Variants in PAPSS2 observed in about 807,000 individuals in gnomAD.
PAPSS2 encodes the protein bifunctional 3'-phosphoadenosine 5'-phosphosulfate synthase 2.
In PAPSS2, 61 loss-of-function variants were observed where a neutral mutation model predicts 66.5. The observed-to-expected ratio is 0.92, with a 90% CI of 0.75 to 1.14. PAPSS2 has a LOEUF of 1.14. Among genes scored for constraint, PAPSS2 ranks in the 50% most tolerant of loss-of-function variants. The pLI, the probability that PAPSS2 is intolerant of heterozygous loss-of-function variation, is 0.00. For synonymous variants in PAPSS2, 289 were observed against 287.5 expected (o/e 1.01, Z -0.05); for missense variants, 708 against 789.6 (o/e 0.90, Z 1.24).
Position 87,721,745 on chromosome 10 carries a change from T to G in PAPSS2, c.866-11T>G. 6.5e-7 allele frequency: 1 copy of G among 1,530,954 alleles called. No individual in the cohort carries two copies. The highest frequency in any genetic ancestry group is 8.9e-7 in the Non-Finnish European group (1 of 1,128,892). The allele number at this position is 1,530,954 out of a possible 1,614,324, so 94.8% of individuals were successfully genotyped here. ...TGAAAATGTTTCTTAATTGTGTTTA[T>G]ATTTCCCTAGGCATGGCCCTTCCTG... On this transcript the variant is annotated splice_polypyrimidine_tract_variant and intron_variant, in intron 7 of 12. Transcript: ENST00000456849.
intron 7 of PAPSS2, among the ~76,000 whole-genome samples, chr10:87,716,294 A>C (rs1853531570): frequency 6.6e-6 from 1 of 152,212 alleles, no homozygotes; most frequent in African/African-American, 2.4e-5. Context: ...GGTGCATGCT[A>C]AAGTGTCAAT....
chr10:87,733,626 T>C (rs1853757512), intron 9 of PAPSS2, among the ~76,000 whole-genome samples: 1 of 152,102 alleles, frequency 6.6e-6, no homozygotes, highest in African/African-American at 2.4e-5. Flanking sequence ...AAATCACCCA[T>C]GACTGGATCC....
chr10:87,688,856 C>T (rs1853125953), intron 1 of PAPSS2, among the ~76,000 whole-genome samples: 1 of 152,008 alleles, frequency 6.6e-6, no homozygotes, highest in African/African-American at 2.4e-5. Flanking sequence ...TTCTTAATTG[C>T]TTGAAGTGAT....
chr10:87,661,200 A>T, intron 1 of PAPSS2: 1 of 361,204 alleles, frequency 2.8e-6, no homozygotes, highest in Non-Finnish European at 5.4e-6. Context: ...GGGGCCATGC[A>T]GGGCTAGAAG....
intron 1 of PAPSS2, among the ~76,000 whole-genome samples, chr10:87,699,590 G>A (rs559614042): frequency 1.3e-5 from 2 of 152,236 alleles, no homozygotes; most frequent in East Asian, 1.9e-4. Context: ...GGTGGCTCAC[G>A]CCTGTAATCC....
intron 9 of PAPSS2, among the ~76,000 whole-genome samples, chr10:87,729,020 A>G (rs1853694239): frequency 6.6e-6 from 1 of 151,932 alleles, no homozygotes; most frequent in African/African-American, 2.4e-5. Flanking sequence ...TGTCATAATC[A>G]TATAGGTTTG....
chr10:87,667,271 T>C (rs1018394626), intron 1 of PAPSS2, among the ~76,000 whole-genome samples: 2 of 151,908 alleles, frequency 1.3e-5, no homozygotes, highest in African/African-American at 2.4e-5. Flanking sequence ...CTGGGCAACA[T>C]GGCAAAACCT....
intron 1 of PAPSS2, among the ~76,000 whole-genome samples, chr10:87,698,527 C>T (rs988850648): frequency 2.0e-5 from 3 of 152,124 alleles, no homozygotes; most frequent in Non-Finnish European, 2.9e-5. Context: ...TCCCTTATAA[C>T]TCAAGAGTAG....
rs1554867987 is a variant in PAPSS2, at chr10:87,734,663, G to GTACATATATA, written c.1087-6570_1087-6569insCATATATATA. ...TGATAGCACAGAAATGAATGTGTGT[G>GTACATATATA]TATATATATATATATATATATATAT... is the stretch of plus-strand genomic sequence containing the variant. On this transcript the variant is annotated intron_variant, in intron 9 of 12. Coordinates refer to ENST00000456849, the MANE Select transcript of PAPSS2 (RefSeq NM_001015880.2). Among the ~76,000 whole-genome samples, 44 of 81,108 alleles carry GTACATATATA rather than the reference G, an allele frequency of 5.4e-4. 1 individual carries two copies. Among genetic ancestry groups the GTACATATATA allele is most frequent in the Non-Finnish European group, 7.1e-4 (32 of 45,352 alleles). 53.2% of individuals were successfully genotyped at this position (81,108 alleles called of 152,430 possible).
intron 10 of PAPSS2, 124 bp from the exon 11 acceptor site, chr10:87,743,242 CAAAAAAA>C (rs113848137): frequency 1.4e-6 from 1 of 728,150 alleles, no homozygotes; most frequent in Admixed American, 2.5e-5. Flanking sequence ...GAGACTCTTT[CAAAAAAA>C]AAAAAAAAAG....
rs1489260265 is a variant in PAPSS2, at chr10:87,705,119, T to C, written c.28-4077T>C. 2.6e-5 allele frequency among the ~76,000 whole-genome samples: 4 copies of C among 152,258 alleles called. No individual in the cohort carries two copies. In the East Asian group the frequency reaches 7.7e-4, roughly 29 times the overall value. On this transcript the variant is annotated intron_variant, in intron 1 of 12. Coordinates refer to ENST00000456849, the MANE Select transcript of PAPSS2 (RefSeq NM_001015880.2). Reference sequence around the variant, plus strand: ...ATCACCCCAGAAGCAACGGCTGTTCTGAATTAGTGCATTAGTTTTCTGTAT... The same window carrying C: ...ATCACCCCAGAAGCAACGGCTGTTCCGAATTAGTGCATTAGTTTTCTGTAT...
At position 87,660,215 on chromosome 10, in the gene PAPSS2, C is replaced by G. The variant is rs529339385; in HGVS notation, c.27+207C>G. 53 of 621,464 alleles carry G rather than the reference C, an allele frequency of 8.5e-5. No homozygotes were observed. The East Asian group carries it at 1.3e-3, about 16-fold the overall frequency. The allele number at this position is 621,464 out of a possible 1,614,324, so 38.5% of individuals were successfully genotyped here. On this transcript the variant is annotated intron_variant, in intron 1 of 12. Coordinates refer to ENST00000456849, the MANE Select transcript of PAPSS2 (RefSeq NM_001015880.2). Reference sequence around the variant, plus strand: ...CTCGCCCCGCAGCCCCTCTCCACCCCGCGACTCTGGGAATCTGCGCTCCTT... The same window carrying G: ...CTCGCCCCGCAGCCCCTCTCCACCCGGCGACTCTGGGAATCTGCGCTCCTT...
chr10:87,692,081 G>A (rs7092284), intron 1 of PAPSS2, among the ~76,000 whole-genome samples: 8,586 of 152,238 alleles, frequency 0.056, 803 homozygotes, highest in African/African-American at 0.19. Context: ...ATGGAATGGC[G>A]TTTAGCTGAA....
chr10:87,740,240 A>T (rs1406105938), intron 9 of PAPSS2, among the ~76,000 whole-genome samples: 1 of 152,212 alleles, frequency 6.6e-6, no homozygotes, highest in East Asian at 1.9e-4. Context: ...AGCTTGGCAG[A>T]TTCCCAGTAC....
chr10:87,699,356 A>G (rs1389797353), intron 1 of PAPSS2, among the ~76,000 whole-genome samples: 1 of 152,206 alleles, frequency 6.6e-6, no homozygotes, highest in Middle Eastern at 3.2e-3. Context: ...TGGTGCATTC[A>G]TGGCTCACTG....
intron 1 of PAPSS2, among the ~76,000 whole-genome samples, chr10:87,674,431 G>T (rs555681920): frequency 1.5e-3 from 224 of 152,254 alleles, no homozygotes; most frequent in Middle Eastern, 6.8e-3. Flanking sequence ...CTCCCAAAGT[G>T]CTGGGATTAC....
At chr10:87,671,205 A>G (rs2131896624) in intron 1 of PAPSS2, among the ~76,000 whole-genome samples, 1 of 152,332 alleles carries the variant, frequency 6.6e-6, no homozygotes, top group African/African-American at 2.4e-5. Flanking sequence ...AAAATAACAT[A>G]TAATGGATAC....
chr10:87,706,011 TGTGA>T (rs1853379109), intron 1 of PAPSS2, among the ~76,000 whole-genome samples: 1 of 149,224 alleles, frequency 6.7e-6, no homozygotes, highest in Non-Finnish European at 1.5e-5. Context: ...GGATTACAGG[TGTGA>T]GCCGCCGCGT....
intron 1 of PAPSS2, among the ~76,000 whole-genome samples, chr10:87,698,214 A>G (rs1272792054): frequency 1.3e-5 from 2 of 152,140 alleles, no homozygotes. Flanking sequence ...AGTCAAATCA[A>G]CTTGGTTGTA....
Sources: allele counts gnomAD v4.1 joint callset (sites outside exome capture counted in the v4.1 genomes callset), GRCh38; gene constraint gnomAD v4.1.1; transcripts MANE v1.5; gene names NCBI Gene and HGNC (gene_info 2026-07-23, HGNC 2026-07-21).